Variants in USH2A observed in about 807,000 individuals in gnomAD.
The protein encoded by USH2A is usherin, also known as Usher syndrome 2A (autosomal recessive, mild).
Under a neutral mutation model 538.9 loss-of-function variants are expected in USH2A, and 443 were observed. The ratio of observed to expected loss-of-function variants is 0.82; its 90% CI spans 0.76 to 0.89. The LOEUF is 0.89. Ranked by LOEUF, USH2A falls within the 40% of genes least tolerant of loss-of-function variation. USH2A has a pLI of 0.00. For missense variants in USH2A, 6,633 were observed against 6,324.8 expected, an observed-to-expected ratio of 1.05 and a Z score of -1.65; for synonymous variants, 2,413 against 2,273.5, an observed-to-expected ratio of 1.06 and a Z score of -1.75.
chr1:215,650,455 T>A (rs555187470), intron 65 of USH2A, 137 bp downstream of exon 65: 3 of 1,019,390 alleles, frequency 2.9e-6, no homozygotes, highest in Non-Finnish European at 4.5e-6. Context: ...ATATTTGTGC[T>A]ACTAAGTTCA....
intron 9 of USH2A, among the ~76,000 whole-genome samples, chr1:216,316,226 A>G (rs2037506137): frequency 6.6e-6 from 1 of 152,178 alleles, no homozygotes; most frequent in South Asian, 2.1e-4. Context: ...CTTTAATTTC[A>G]TCTCAGAGTA....
intron 43 of USH2A, among the ~76,000 whole-genome samples, chr1:215,871,343 G>A (rs1292743980): frequency 6.6e-6 from 1 of 152,140 alleles, no homozygotes; most frequent in East Asian, 1.9e-4. Flanking sequence ...TTTAAATGAT[G>A]CAGTTTTAAT....
chr1:215,657,862 T>A (rs1461066648), intron 64 of USH2A, among the ~76,000 whole-genome samples: 1 of 152,098 alleles, frequency 6.6e-6, no homozygotes, highest in African/African-American at 2.4e-5. Context: ...GTGAATATGG[T>A]TCTCCTCTAA....
intron 9 of USH2A, among the ~76,000 whole-genome samples, chr1:216,293,723 A>G (rs1429569112): frequency 6.6e-6 from 1 of 152,178 alleles, no homozygotes; most frequent in Non-Finnish European, 1.5e-5. Flanking sequence ...TATCACTCAC[A>G]AGGAGGCAAC....
rs2039696121 is a variant in USH2A at position 216,422,452 on chromosome 1, A to G, written c.-116T>C. ...ACTTTAAGTGATGTTGCGATACTCC[A>G]TTTTCTGGAAACTGCAGACACGTTC... On this transcript the variant is annotated 5_prime_UTR_variant, in exon 2 of 72. It removes an upstream start codon present in the reference 5' UTR. Transcript: ENST00000307340. 3.4e-6 allele frequency: 5 copies of G among 1,478,780 alleles called. No individual in the cohort carries two copies. Among genetic ancestry groups the G allele is most frequent in the Admixed American group, 1.9e-5 (1 of 53,286 alleles). 91.6% of individuals were successfully genotyped at this position (1,478,780 alleles called of 1,614,324 possible).
intron 58 of USH2A, among the ~76,000 whole-genome samples, chr1:215,744,283 G>C (rs1280452560): frequency 6.6e-6 from 1 of 152,172 alleles, no homozygotes; most frequent in Non-Finnish European, 1.5e-5. Context: ...GCGAAAATTT[G>C]GGTTCAACAA....
At position 216,353,229 on chromosome 1, in the gene USH2A, G is replaced by A. The variant is rs60852894; in HGVS notation, c.784+11724C>T. The stretch of plus-strand genomic sequence containing the variant: ...CATTTGAAGATCCCGGGAGGGATGA[G>A]GAATTTTTGGACTCAGGGTATAAGG... On this transcript the variant is annotated intron_variant, in intron 4 of 71. Coordinates refer to ENST00000307340, the MANE Select transcript of USH2A (RefSeq NM_206933.4). 6.8e-3 allele frequency among the ~76,000 whole-genome samples: 1,037 copies of A among 152,160 alleles called. 5 individuals carry two copies. The highest frequency in any genetic ancestry group is 0.036 in the East Asian group (187 of 5,162).
At chr1:216,120,379 G>T (rs1220430602) in intron 21 of USH2A, among the ~76,000 whole-genome samples, 3 of 150,560 alleles carry the variant, frequency 2.0e-5, no homozygotes, top group Non-Finnish European at 4.4e-5. Flanking sequence ...TATTATTTAT[G>T]TATTTATTTA....
At position 216,183,366 on chromosome 1, in the gene USH2A, G is replaced by GA. The variant is rs376749248; in HGVS notation, c.4396+6856dup. On this transcript the variant is annotated intron_variant, in intron 20 of 71. Coordinates refer to ENST00000307340, the MANE Select transcript of USH2A (RefSeq NM_206933.4). ...TATTTTGAGAAGCTGCCATGTTAAA[G>GA]AAAAAAAAAAGCATTTAAAAAAAGC... Among the ~76,000 whole-genome samples, 41 of 144,478 alleles carry GA rather than the reference G, an allele frequency of 2.8e-4. 1 individual carries two copies. The highest frequency in any genetic ancestry group is 1.0e-3 in the East Asian group (5 of 5,000). The allele number at this position is 144,478 out of a possible 152,430, so 94.8% of individuals were successfully genotyped here.
intron 61 of USH2A, among the ~76,000 whole-genome samples, chr1:215,688,214 C>T (rs1658496301): frequency 6.6e-6 from 1 of 152,040 alleles, no homozygotes; most frequent in Non-Finnish European, 1.5e-5. Context: ...AGAACAGAAA[C>T]TCTAAGATGG....
intron 44 of USH2A, among the ~76,000 whole-genome samples, chr1:215,854,991 C>T (rs1247436629): frequency 9.2e-5 from 14 of 152,202 alleles, no homozygotes; most frequent in Admixed American, 9.2e-4. Flanking sequence ...TAACAGGCTG[C>T]TCTTTGTCAG....
intron 41 of USH2A, among the ~76,000 whole-genome samples, chr1:215,879,870 A>C (rs1664863639): frequency 6.6e-6 from 1 of 152,178 alleles, no homozygotes; most frequent in East Asian, 1.9e-4. Context: ...AGATCCTAAA[A>C]AATGTGCACA....
At chr1:216,317,862 A>G (rs2037538045) in intron 9 of USH2A, among the ~76,000 whole-genome samples, 1 of 152,154 alleles carries the variant, frequency 6.6e-6, no homozygotes, top group Non-Finnish European at 1.5e-5. Flanking sequence ...CAAAAAAATA[A>G]ATAAATAAAA....
At chr1:216,173,966 A>G (rs2034322733) in intron 21 of USH2A, 1 of 984,854 alleles carries the variant, frequency 1.0e-6, no homozygotes, top group African/African-American at 1.7e-5. Context: ...TTTTAAGAAT[A>G]TAAAGCAGAA....
intron 46 of USH2A, among the ~76,000 whole-genome samples, chr1:215,840,163 CAAAAAAAAAAAA>C (rs60766928): frequency 6.8e-5 from 2 of 29,516 alleles, no homozygotes; most frequent in Non-Finnish European, 1.3e-4. Context: ...GACTCTGTCT[CAAAAAAAAAAAA>C]AAAAAAAAAA....
chr1:215,742,042 C>A (rs1407594280), intron 59 of USH2A, among the ~76,000 whole-genome samples: 4 of 152,168 alleles, frequency 2.6e-5, no homozygotes, highest in African/African-American at 9.7e-5. Flanking sequence ...CAGACGTTGA[C>A]TTTGTACTTG....
At chr1:215,736,248 T>G (rs1197318941) in intron 60 of USH2A, among the ~76,000 whole-genome samples, 1 of 152,150 alleles carries the variant, frequency 6.6e-6, no homozygotes, top group Non-Finnish European at 1.5e-5. Flanking sequence ...TAGCAATGAC[T>G]CCAGATAAAC....
chr1:216,081,462 A>T (rs1228722380), intron 26 of USH2A, among the ~76,000 whole-genome samples: 2 of 152,218 alleles, frequency 1.3e-5, no homozygotes, highest in African/African-American at 4.8e-5. Flanking sequence ...GAGCAGCCTC[A>T]GTCCTCAGAT....
chr1:216,144,000 G>GA (rs1230808938), intron 21 of USH2A, among the ~76,000 whole-genome samples: 7 of 152,144 alleles, frequency 4.6e-5, no homozygotes, highest in African/African-American at 1.7e-4. Flanking sequence ...TCTTTAGGGG[G>GA]AACTAGTAAA....
Sources: allele counts gnomAD v4.1 joint callset (sites outside exome capture counted in the v4.1 genomes callset), GRCh38; gene constraint gnomAD v4.1.1; transcripts MANE v1.5; gene names NCBI Gene and HGNC (gene_info 2026-07-23, HGNC 2026-07-21).